The following COL25A1 variants were observed in gnomAD, a reference collection of about 807,000 sequenced individuals.
COL25A1 encodes collagen type XXV alpha 1 chain, also known as collagen alpha-1(XXV) chain.
Under a neutral mutation model 128.4 loss-of-function variants are expected in COL25A1, and 103 were observed. The ratio of observed to expected loss-of-function variants is 0.80; its 90% confidence interval spans 0.68 to 0.94. The LOEUF (loss-of-function observed/expected upper bound fraction) is 0.94, where lower values mean the gene tolerates loss of function less well. Ranked by LOEUF, COL25A1 falls within the 40% of genes least tolerant of loss-of-function variation. The pLI, the probability that COL25A1 is intolerant of heterozygous loss-of-function variation, is 0.00. For synonymous variants in COL25A1, 279 were observed against 277.2 expected, an observed-to-expected ratio of 1.01 and a Z score of -0.06; for missense variants, 745 against 840.0, an observed-to-expected ratio of 0.89 and a Z score of 1.40.
intron 6 of COL25A1, among the ~76,000 whole-genome samples, chr4:109,002,674 G>A (rs755470468): frequency 2.0e-4 from 30 of 152,124 alleles, no homozygotes; most frequent in South Asian, 6.2e-4. Flanking sequence ...ATTGCACAAT[G>A]TATATGTATG....
rs1345404362 is a variant in COL25A1 at position 108,812,953 on chromosome 4, G to C, written c.*974C>G. The C allele has an allele frequency of 2.6e-5, 4 of 152,208 alleles. No individual in the cohort carries two copies. The allele number at this position is 152,208 out of a possible 1,614,324, so 9.4% of individuals were successfully genotyped here. On this transcript the variant is annotated 3_prime_UTR_variant, in exon 38 of 38. Transcript: ENST00000399132. Reference sequence around the variant, plus strand: ...AATCTCCTATTCCAAAAGAAGTGCTGTGCCTCTGTCATTTTTAAAAGCACC... The same window carrying C: ...AATCTCCTATTCCAAAAGAAGTGCTCTGCCTCTGTCATTTTTAAAAGCACC...
At chr4:109,219,226 T>C (rs989678056) in intron 3 of COL25A1, among the ~76,000 whole-genome samples, 15 of 152,144 alleles carry the variant, frequency 9.9e-5, no homozygotes, top group Non-Finnish European at 1.5e-4. Flanking sequence ...AGATGATCTA[T>C]AAACTCATTA....
At chr4:109,292,427 C>T (rs988687103) in intron 3 of COL25A1, among the ~76,000 whole-genome samples, 8 of 152,060 alleles carry the variant, frequency 5.3e-5, no homozygotes, top group South Asian at 2.1e-4. Context: ...GAAAGAGATG[C>T]ACCATATTAA....
intron 3 of COL25A1, among the ~76,000 whole-genome samples, chr4:109,121,630 T>C (rs1263343309): frequency 6.6e-6 from 1 of 152,116 alleles, no homozygotes; most frequent in African/African-American, 2.4e-5. Context: ...CACCAAATGA[T>C]GGCAAAGATG....
chr4:109,122,582 G>A (rs1768203125), intron 3 of COL25A1, among the ~76,000 whole-genome samples: 1 of 151,968 alleles, frequency 6.6e-6, no homozygotes, highest in Non-Finnish European at 1.5e-5. Flanking sequence ...AGGAAAGGAA[G>A]ACATTACTTA....
chr4:108,995,513 G>A (rs112949691), intron 6 of COL25A1, among the ~76,000 whole-genome samples: 13 of 152,126 alleles, frequency 8.5e-5, no homozygotes, highest in African/African-American at 2.2e-4. Flanking sequence ...AGAAAGTGAC[G>A]GGGAGAATGG....
At chr4:109,275,379 A>G (rs1722727801) in intron 3 of COL25A1, among the ~76,000 whole-genome samples, 1 of 152,174 alleles carries the variant, frequency 6.6e-6, no homozygotes, top group Non-Finnish European at 1.5e-5. Context: ...GCTATGTGAC[A>G]TAAAAAGTTC....
intron 19 of COL25A1, among the ~76,000 whole-genome samples, chr4:108,881,024 AT>A (rs1213652648): frequency 1.3e-5 from 2 of 152,160 alleles, no homozygotes; most frequent in African/African-American, 4.8e-5. Context: ...ATTGTACATA[AT>A]TTAATTTTCC....
Position 109,282,156 on chromosome 4 carries a change from A to G in COL25A1, c.367+18427T>C, listed in dbSNP as rs551165922. 2.6e-5 allele frequency among the ~76,000 whole-genome samples: 4 copies of G among 152,240 alleles called. No individual in the cohort carries two copies. The East Asian group carries it at 7.7e-4, about 29-fold the overall frequency. ...AGCTAGTTCATCTCTCAACGAAATC[A>G]TTTTTTTAATATGAACACTGACATT... On this transcript the variant is annotated intron_variant, in intron 3 of 37. Coordinates refer to ENST00000399132, the MANE Select transcript of COL25A1 (RefSeq NM_198721.4).
At chr4:109,129,319 G>C (rs1186566055) in intron 3 of COL25A1, among the ~76,000 whole-genome samples, 1 of 151,844 alleles carries the variant, frequency 6.6e-6, no homozygotes, top group Non-Finnish European at 1.5e-5. Context: ...AGTAGAGACG[G>C]GGTTTCTCCA....
At chr4:109,139,700 T>G (rs1287421863) in intron 3 of COL25A1, among the ~76,000 whole-genome samples, 1 of 152,134 alleles carries the variant, frequency 6.6e-6, no homozygotes, top group East Asian at 1.9e-4. Flanking sequence ...TACTTTAAGT[T>G]TTAGGGTACA....
At chr4:109,219,063 T>C (rs1042821840) in intron 3 of COL25A1, among the ~76,000 whole-genome samples, 1 of 152,110 alleles carries the variant, frequency 6.6e-6, no homozygotes, top group Non-Finnish European at 1.5e-5. Flanking sequence ...CCATTTAAAT[T>C]TATATTAATG....
At chr4:109,068,577 A>G (rs1762656957) in intron 3 of COL25A1, among the ~76,000 whole-genome samples, 1 of 152,208 alleles carries the variant, frequency 6.6e-6, no homozygotes, top group Non-Finnish European at 1.5e-5. Context: ...TGATAATCCT[A>G]TATAGTAGTT....
chr4:109,275,750 A>G (rs1314531449), intron 3 of COL25A1, among the ~76,000 whole-genome samples: 1 of 152,202 alleles, frequency 6.6e-6, no homozygotes, highest in Non-Finnish European at 1.5e-5. Flanking sequence ...CTGGAGTGCA[A>G]CATTAGGCTT....
At chr4:108,998,127 C>CA (rs1754960517) in intron 6 of COL25A1, among the ~76,000 whole-genome samples, 1 of 152,068 alleles carries the variant, frequency 6.6e-6, no homozygotes, top group South Asian at 2.1e-4. Flanking sequence ...CTGTCCAGGG[C>CA]AATCAGGCAA....
chr4:109,200,862 T>C (rs563019122), intron 3 of COL25A1, among the ~76,000 whole-genome samples: 3 of 152,152 alleles, frequency 2.0e-5, no homozygotes, highest in Non-Finnish European at 4.4e-5. Flanking sequence ...TTCTCCCCAA[T>C]AATCTCATTC....
intron 3 of COL25A1, among the ~76,000 whole-genome samples, chr4:109,133,680 T>C (rs1769433354): frequency 6.6e-6 from 1 of 152,186 alleles, no homozygotes; most frequent in South Asian, 2.1e-4. Context: ...CAACACTCTG[T>C]GTGCAGAATG....
At chr4:108,950,039 TGTGG>T (rs2125943549) in intron 8 of COL25A1, among the ~76,000 whole-genome samples, 1 of 152,276 alleles carries the variant, frequency 6.6e-6, no homozygotes, top group Non-Finnish European at 1.5e-5. Context: ...CAACTTCAAA[TGTGG>T]CTGGGATCTC....
intron 11 of COL25A1, among the ~76,000 whole-genome samples, chr4:108,934,358 A>T (rs1747157529): frequency 6.6e-6 from 1 of 151,986 alleles, no homozygotes; most frequent in Non-Finnish European, 1.5e-5. Flanking sequence ...TGGGGGAGGG[A>T]TAGCATTAGG....
Sources: allele counts gnomAD v4.1 joint callset (sites outside exome capture counted in the v4.1 genomes callset), GRCh38; gene constraint gnomAD v4.1.1; transcripts MANE v1.5; gene names NCBI Gene and HGNC (gene_info 2026-07-23, HGNC 2026-07-21).